Variants in NECAB2 observed in about 807,000 individuals in gnomAD.
NECAB2 encodes N-terminal EF-hand calcium-binding protein 2.
In NECAB2, 68 loss-of-function variants were observed where a neutral mutation model predicts 51.9. That is an observed-to-expected ratio of 1.31 (90% CI 1.08 to 1.60). The LOEUF (loss-of-function observed/expected upper bound fraction) is 1.60, where lower values mean the gene tolerates loss of function less well. Ranked by LOEUF, NECAB2 falls within the 40% of genes most tolerant of loss-of-function variation. The pLI is 0.00. For synonymous variants in NECAB2, 329 were observed against 203.5 expected (o/e 1.62, Z -5.25); for missense variants, 854 against 490.3 (o/e 1.74, Z -7.00).
chr16:83,965,920 C>T (rs753152527), upstream of NECAB2: 6 of 1,612,586 alleles, frequency 3.7e-6, no homozygotes, highest in South Asian at 1.1e-5. Flanking sequence ...GGCCGCTGGC[C>T]GGGGACAACT....
At chr16:83,989,375 A>G (rs901428968) in intron 5 of NECAB2, among the ~76,000 whole-genome samples, 1 of 152,068 alleles carries the variant, frequency 6.6e-6, no homozygotes, top group African/African-American at 2.4e-5. Flanking sequence ...CTGTCTTCTC[A>G]TGTGCCCCTC....
At chr16:83,986,584 C>G (rs1334324808) in intron 5 of NECAB2, among the ~76,000 whole-genome samples, 1 of 152,092 alleles carries the variant, frequency 6.6e-6, no homozygotes, top group Non-Finnish European at 1.5e-5. Flanking sequence ...ACAGTCATTA[C>G]TCATTGCAGC....
At chr16:83,972,044 C>T (rs951217421) in intron 1 of NECAB2, 107 bp from the exon 2 acceptor site, 4 of 1,486,370 alleles carry the variant, frequency 2.7e-6, no homozygotes, top group Non-Finnish European at 2.8e-6. Context: ...TCCCAGGACC[C>T]TAAGCTGCTC....
At chr16:83,971,876 G>A (rs1467714346) in intron 1 of NECAB2, 13 of 582,512 alleles carry the variant, frequency 2.2e-5, no homozygotes, top group South Asian at 1.9e-4. Flanking sequence ...AGGGATGGCC[G>A]TGGGCCTGCG....
chr16:84,001,244 G>C (rs2084827075), intron 11 of NECAB2, among the ~76,000 whole-genome samples: 1 of 151,946 alleles, frequency 6.6e-6, no homozygotes, highest in Admixed American at 6.5e-5. Context: ...AGCTCTGATG[G>C]GCCTTAGGCC....
At chr16:83,992,381 C>CCG (rs1555548091) in intron 6 of NECAB2, among the ~76,000 whole-genome samples, 1 of 145,088 alleles carries the variant, frequency 6.9e-6, no homozygotes, top group African/African-American at 2.7e-5. Context: ...CACCCGTCCC[C>CCG]CCGCCCACCT....
intron 5 of NECAB2, among the ~76,000 whole-genome samples, chr16:83,985,313 C>CAAAAAAAAA (rs71148868): frequency 2.0e-4 from 6 of 30,162 alleles, no homozygotes; most frequent in African/African-American, 2.2e-4. Context: ...ATCTCTGTCT[C>CAAAAAAAAA]AAAAAAAAAA....
chr16:83,998,023 T>G (rs1181616735), intron 9 of NECAB2, among the ~76,000 whole-genome samples, 182 bp from the exon 10 acceptor site: 1 of 152,132 alleles, frequency 6.6e-6, no homozygotes, highest in Non-Finnish European at 1.5e-5. Flanking sequence ...ACTGGGCTCT[T>G]GAGGTTCTAG....
At chr16:83,985,290 A>C (rs1028008510) in intron 5 of NECAB2, among the ~76,000 whole-genome samples, 2 of 102,942 alleles carry the variant, frequency 1.9e-5, no homozygotes, top group African/African-American at 7.3e-5. Flanking sequence ...TCCAGCCTGG[A>C]CAACAAGAGC....
intron 2 of NECAB2, among the ~76,000 whole-genome samples, chr16:83,973,326 C>T (rs553092999): frequency 3.3e-5 from 5 of 152,090 alleles, no homozygotes; most frequent in Admixed American, 6.5e-5. Flanking sequence ...CCACCCAGGG[C>T]GGTTGCAGGG....
At position 83,998,197 on chromosome 16, in the gene NECAB2, C is replaced by G. The variant is rs751225873; in HGVS notation, c.850-8C>G. 7.5e-6 allele frequency: 12 copies of G among 1,606,456 alleles called. No individual in the cohort carries two copies. The highest frequency in any genetic ancestry group is 9.3e-6 in the Non-Finnish European group (11 of 1,179,688). Reference sequence around the variant, plus strand: ...GAGCCCCACACTGACTCCTGCTGTGCCCGGCAGCACCTGCAGCTGGTCCGG... The same window carrying G: ...GAGCCCCACACTGACTCCTGCTGTGGCCGGCAGCACCTGCAGCTGGTCCGG... On this transcript the variant is annotated splice_region_variant and splice_polypyrimidine_tract_variant and intron_variant, in intron 9 of 12. Transcript: ENST00000305202.
chr16:83,999,525 A>AAGATGG (rs2084779022), intron 10 of NECAB2, among the ~76,000 whole-genome samples: 1 of 152,120 alleles, frequency 6.6e-6, no homozygotes, highest in Non-Finnish European at 1.5e-5. Flanking sequence ...TGTCCACCCC[A>AAGATGG]AGATGGAATC....
At chr16:83,965,709 A>G, upstream of NECAB2, 1 of 1,613,566 alleles carries the variant, frequency 6.2e-7, no homozygotes, top group Non-Finnish European at 8.5e-7. Context: ...GTGTTCCAGG[A>G]CCTCGAGGGT....
At chr16:83,999,820 T>A (rs1014199402) in intron 10 of NECAB2, among the ~76,000 whole-genome samples, 1 of 152,012 alleles carries the variant, frequency 6.6e-6, no homozygotes, top group Admixed American at 6.6e-5. Flanking sequence ...TTGCAAGGAT[T>A]AAATGAGAGG....
At chr16:83,999,282 C>A (rs983127435) in intron 10 of NECAB2, among the ~76,000 whole-genome samples, 12 of 152,238 alleles carry the variant, frequency 7.9e-5, no homozygotes, top group Admixed American at 3.3e-4. Context: ...GGGGCAGGAC[C>A]CACTCCACTC....
chr16:83,996,200 C>T (rs1380840171), intron 8 of NECAB2, among the ~76,000 whole-genome samples: 1 of 152,220 alleles, frequency 6.6e-6, no homozygotes, highest in African/African-American at 2.4e-5. Context: ...TCTCCTCATC[C>T]TCCTATGGCT....
At chr16:83,966,059 C>T (rs1215015075), upstream of NECAB2, 1 of 1,362,284 alleles carries the variant, frequency 7.3e-7, no homozygotes, top group Non-Finnish European at 9.8e-7. Flanking sequence ...GAGATGACCA[C>T]ATCCCTGCTG....
chr16:83,990,742 C>T (rs2084613295), intron 6 of NECAB2, 112 bp downstream of exon 6: 5 of 1,381,624 alleles, frequency 3.6e-6, no homozygotes, highest in Non-Finnish European at 4.9e-6. Flanking sequence ...TGACCTTGGG[C>T]AAGTTGCCAC....
At chr16:83,999,882 A>AGACCAAATC (rs1567680367) in intron 10 of NECAB2, among the ~76,000 whole-genome samples, 2,084 of 145,432 alleles carry the variant, frequency 0.014, 42 homozygotes, top group African/African-American at 0.056. Context: ...AGGTTTTTTG[A>AGACCAAATC]TTTTTAAAGG....
Sources: allele counts gnomAD v4.1 joint callset (sites outside exome capture counted in the v4.1 genomes callset), GRCh38; gene constraint gnomAD v4.1.1; transcripts MANE v1.5; gene names NCBI Gene and HGNC (gene_info 2026-07-23, HGNC 2026-07-21).